SCHIP1: variants seen among roughly 807,000 people sequenced by gnomAD.
The protein encoded by SCHIP1 is schwannomin-interacting protein 1.
SCHIP1 carries 8 observed loss-of-function variants against 29.7 expected under a neutral mutation model. That is an observed-to-expected ratio of 0.27 (90% confidence interval 0.16 to 0.49). The LOEUF (loss-of-function observed/expected upper bound fraction) is 0.49. Ranked by LOEUF, SCHIP1 falls within the 20% of genes least tolerant of loss-of-function variation. The pLI is 0.99. For synonymous variants in SCHIP1, 76 were observed against 94.9 expected, an observed-to-expected ratio of 0.80 and a Z score of 1.16; for missense variants, 193 against 294.6, an observed-to-expected ratio of 0.66 and a Z score of 2.52.
At chr3:159,362,186 G>A in the SCHIP1 span, among the ~76,000 whole-genome samples, 1 of 152,190 alleles carries the variant, frequency 6.6e-6, no homozygotes, top group East Asian at 1.9e-4. Context: ...CCAAGACAAT[G>A]AGGTTTTCTG....
chr3:159,406,741 TGGG>T, the SCHIP1 span, among the ~76,000 whole-genome samples: 1 of 151,930 alleles, frequency 6.6e-6, no homozygotes, highest in African/African-American at 2.4e-5. Context: ...AGTTAAAAAG[TGGG>T]GGGACAAAGT....
At chr3:159,499,117 G>A in the SCHIP1 span, among the ~76,000 whole-genome samples, 2 of 152,136 alleles carry the variant, frequency 1.3e-5, no homozygotes, top group Non-Finnish European at 2.9e-5. Flanking sequence ...CGAGGCACTT[G>A]AAAGAATATC....
the SCHIP1 span, among the ~76,000 whole-genome samples, chr3:159,400,244 G>T: frequency 9.2e-5 from 14 of 152,204 alleles, no homozygotes; most frequent in Non-Finnish European, 1.8e-4. Context: ...CAGAAGCAAT[G>T]ATGCACATGA....
chr3:159,446,884 A>G, the SCHIP1 span, among the ~76,000 whole-genome samples: 1 of 152,220 alleles, frequency 6.6e-6, no homozygotes, highest in South Asian at 2.1e-4. Context: ...GAGCAGTGAC[A>G]TGGGTTCTCC....
chr3:159,886,304 G>T, exon 3 of SCHIP1: 1 of 1,614,016 alleles, frequency 6.2e-7, no homozygotes, highest in East Asian at 2.2e-5. Flanking sequence ...AACCAGCTTG[G>T]ACACCCCCTT....
chr3:159,826,804 T>C, the SCHIP1 span, among the ~76,000 whole-genome samples: 3 of 152,224 alleles, frequency 2.0e-5, no homozygotes, highest in Non-Finnish European at 4.4e-5. Context: ...GCCCAACTTA[T>C]GTGTCTGAAA....
chr3:159,582,769 G>A, the SCHIP1 span, among the ~76,000 whole-genome samples: 49 of 130,478 alleles, frequency 3.8e-4, no homozygotes, highest in African/African-American at 1.1e-3. Context: ...TATAAGACAC[G>A]CAACTGAAAT....
chr3:159,316,405 G>A, the SCHIP1 span, among the ~76,000 whole-genome samples: 55 of 152,158 alleles, frequency 3.6e-4, 1 homozygote, highest in Admixed American at 1.6e-3. Context: ...ACATTTTTCC[G>A]CCTGCTTATA....
intron 2 of SCHIP1, among the ~76,000 whole-genome samples, chr3:159,880,721 T>A (rs2109379632): frequency 6.6e-6 from 1 of 152,312 alleles, no homozygotes; most frequent in Admixed American, 6.5e-5. Flanking sequence ...GAACTATTAT[T>A]GCCTGATCAT....
At chr3:159,293,284 G>T in the SCHIP1 span, among the ~76,000 whole-genome samples, 9 of 152,100 alleles carry the variant, frequency 5.9e-5, no homozygotes, top group Non-Finnish European at 1.2e-4. Flanking sequence ...CCCAAGATCT[G>T]CCCAGCCATG....
chr3:159,580,791 T>G, the SCHIP1 span, among the ~76,000 whole-genome samples: 1 of 152,182 alleles, frequency 6.6e-6, no homozygotes, highest in African/African-American at 2.4e-5. Context: ...CACCAATGGT[T>G]TAGCATTAGT....
the SCHIP1 span, among the ~76,000 whole-genome samples, chr3:159,786,068 T>C: frequency 6.6e-6 from 1 of 152,252 alleles, no homozygotes; most frequent in Admixed American, 6.5e-5. Context: ...TAATTTTTAT[T>C]ACATTTCTTT....
chr3:159,363,383 G>C, the SCHIP1 span, among the ~76,000 whole-genome samples: 1 of 152,154 alleles, frequency 6.6e-6, no homozygotes, highest in East Asian at 1.9e-4. Flanking sequence ...TGGATAGAAA[G>C]ATGATAAATG....
chr3:159,464,527 G>T, the SCHIP1 span, among the ~76,000 whole-genome samples: 1 of 152,110 alleles, frequency 6.6e-6, no homozygotes, highest in Non-Finnish European at 1.5e-5. Flanking sequence ...CTCATTGAAG[G>T]TTCAAATGGT....
At chr3:159,531,264 A>G in the SCHIP1 span, among the ~76,000 whole-genome samples, 1 of 152,208 alleles carries the variant, frequency 6.6e-6, no homozygotes, top group Admixed American at 6.5e-5. Flanking sequence ...CACTGCAGCC[A>G]TTCAAATGAT....
chr3:159,669,753 A>G, the SCHIP1 span, among the ~76,000 whole-genome samples: 1 of 152,234 alleles, frequency 6.6e-6, no homozygotes, highest in Non-Finnish European at 1.5e-5. Context: ...ACTGAACACG[A>G]AACCTAGGTT....
At chr3:159,351,154 T>A in the SCHIP1 span, among the ~76,000 whole-genome samples, 1 of 152,190 alleles carries the variant, frequency 6.6e-6, no homozygotes. Context: ...CCTGATACCT[T>A]CATGCTCTTA....
At chr3:159,608,895 A>G in the SCHIP1 span, among the ~76,000 whole-genome samples, 2 of 152,210 alleles carry the variant, frequency 1.3e-5, no homozygotes, top group African/African-American at 4.8e-5. Flanking sequence ...GCACTCTCTC[A>G]GTTTACAAGT....
the SCHIP1 span, among the ~76,000 whole-genome samples, chr3:159,806,273 A>G: frequency 4.6e-5 from 7 of 152,222 alleles, no homozygotes; most frequent in Admixed American, 3.9e-4. Flanking sequence ...ATTTTTTATT[A>G]TAAGCAGATC....
Sources: allele counts gnomAD v4.1 joint callset (sites outside exome capture counted in the v4.1 genomes callset), GRCh38; gene constraint gnomAD v4.1.1; transcripts MANE v1.5; gene names NCBI Gene and HGNC (gene_info 2026-07-23, HGNC 2026-07-21).